CPNE4: variants seen among roughly 807,000 people sequenced by gnomAD.
CPNE4 encodes the protein copine-4.
A neutral mutation model predicts 67.9 loss-of-function variants in CPNE4; 25 were observed. That is an observed-to-expected ratio of 0.37 (90% CI 0.27 to 0.51). The LOEUF (loss-of-function observed/expected upper bound fraction) is 0.51, where lower values mean the gene tolerates loss of function less well. CPNE4 is among the 20% of genes least tolerant of loss of function. The pLI, the probability that CPNE4 is intolerant of heterozygous loss-of-function variation, is 0.93. For synonymous variants in CPNE4, 242 were observed against 244.9 expected (o/e 0.99, Z 0.11); for missense variants, 464 against 690.8 (o/e 0.67, Z 3.68).
chr3:131,862,174 T>C (rs920877660), intron 2 of CPNE4, among the ~76,000 whole-genome samples: 1 of 152,208 alleles, frequency 6.6e-6, no homozygotes, highest in African/African-American at 2.4e-5. Flanking sequence ...ATTTCTGTGT[T>C]TTAGGAATCT....
intron 10 of CPNE4, among the ~76,000 whole-genome samples, chr3:131,566,131 G>A (rs1191225979): frequency 2.6e-5 from 4 of 151,854 alleles, no homozygotes; most frequent in African/African-American, 9.7e-5. Context: ...AAAACACCAG[G>A]ACTTCTCATG....
intron 2 of CPNE4, among the ~76,000 whole-genome samples, chr3:131,806,420 G>A (rs1179832096): frequency 1.3e-5 from 2 of 151,500 alleles, no homozygotes; most frequent in African/African-American, 2.4e-5. Context: ...CATAGTGGCG[G>A]GCGCCTGTAA....
upstream of CPNE4, chr3:132,035,416 C>T (rs1178704017): frequency 6.6e-6 from 1 of 152,158 alleles, no homozygotes; most frequent in Admixed American, 6.5e-5. Flanking sequence ...TTCGTGTCTA[C>T]AAAACTGTCT....
intron 3 of CPNE4, among the ~76,000 whole-genome samples, chr3:131,710,308 C>T (rs1044746923): frequency 6.6e-6 from 1 of 152,092 alleles, no homozygotes; most frequent in Non-Finnish European, 1.5e-5. Flanking sequence ...TTTCTTAGAC[C>T]TTTTGGTCCA....
At chr3:131,708,959 T>TAG (rs1560155092) in intron 3 of CPNE4, among the ~76,000 whole-genome samples, 3 of 55,706 alleles carry the variant, frequency 5.4e-5, no homozygotes, top group East Asian at 9.8e-4. Flanking sequence ...GGCATAAAGA[T>TAG]ATATATATAT....
chr3:131,718,739 T>C (rs557600280), intron 3 of CPNE4, among the ~76,000 whole-genome samples: 52 of 152,372 alleles, frequency 3.4e-4, no homozygotes, highest in African/African-American at 1.2e-3. Flanking sequence ...GTTTCTCAGA[T>C]AATTATAAGC....
chr3:131,577,923 T>G (rs1487847005), intron 9 of CPNE4, among the ~76,000 whole-genome samples: 1 of 152,110 alleles, frequency 6.6e-6, no homozygotes, highest in African/African-American at 2.4e-5. Context: ...CATAAATACA[T>G]GTATATACAA....
intron 1 of CPNE4, among the ~76,000 whole-genome samples, chr3:132,015,497 T>C (rs2073870262): frequency 7.2e-6 from 1 of 139,116 alleles, no homozygotes; most frequent in Non-Finnish European, 1.6e-5. Context: ...TCTCTTCTAA[T>C]TCCTTAGACA....
intron 2 of CPNE4, among the ~76,000 whole-genome samples, chr3:131,842,039 G>A (rs975443747): frequency 1.4e-4 from 21 of 152,172 alleles, no homozygotes; most frequent in African/African-American, 5.1e-4. Flanking sequence ...ACTGTAAATG[G>A]ACTTAGGCTT....
chr3:131,826,278 C>T (rs2085156659), intron 2 of CPNE4, among the ~76,000 whole-genome samples: 2 of 152,066 alleles, frequency 1.3e-5, no homozygotes, highest in South Asian at 4.1e-4. Context: ...ACTGCATCCC[C>T]TCCACCCACC....
intron 10 of CPNE4, 102 bp downstream of exon 10, chr3:131,574,969 G>T: frequency 1.0e-6 from 1 of 962,144 alleles, no homozygotes; most frequent in Non-Finnish European, 1.7e-6. Flanking sequence ...GCTGCCTGAA[G>T]GTTTTAATAA....
chr3:131,676,738 T>G (rs2107666138), intron 6 of CPNE4, among the ~76,000 whole-genome samples: 1 of 152,334 alleles, frequency 6.6e-6, no homozygotes, highest in East Asian at 1.9e-4. Flanking sequence ...CTGCATAGTA[T>G]TCCGTGGTGT....
At chr3:131,979,355 T>C (rs2072843617) in intron 1 of CPNE4, among the ~76,000 whole-genome samples, 2 of 152,204 alleles carry the variant, frequency 1.3e-5, no homozygotes. Flanking sequence ...GTTTTCTAAA[T>C]GTGGGTGCTC....
At chr3:132,030,126 T>C (rs1375591801) in intron 1 of CPNE4, among the ~76,000 whole-genome samples, 1 of 152,144 alleles carries the variant, frequency 6.6e-6, no homozygotes, top group Non-Finnish European at 1.5e-5. Flanking sequence ...ACCCCCGCAA[T>C]CATCCCTAAC....
At chr3:131,655,031 G>C (rs2079916430) in intron 7 of CPNE4, among the ~76,000 whole-genome samples, 1 of 152,140 alleles carries the variant, frequency 6.6e-6, no homozygotes, top group African/African-American at 2.4e-5. Flanking sequence ...GAGTGCAGTG[G>C]GCAGATAAAC....
chr3:131,893,321 T>C (rs915842128), intron 2 of CPNE4, among the ~76,000 whole-genome samples: 1 of 152,004 alleles, frequency 6.6e-6, no homozygotes, highest in African/African-American at 2.4e-5. Context: ...CCCAGATATA[T>C]AAAGTAAATA....
chr3:131,739,052 G>C (rs536318286), intron 2 of CPNE4, among the ~76,000 whole-genome samples: 1 of 151,700 alleles, frequency 6.6e-6, no homozygotes, highest in Non-Finnish European at 1.5e-5. Flanking sequence ...ACAGGGTTTC[G>C]CCATGTTGGC....
chr3:131,800,135 T>C (rs2107907502), intron 2 of CPNE4, among the ~76,000 whole-genome samples: 1 of 152,214 alleles, frequency 6.6e-6, no homozygotes, highest in South Asian at 2.1e-4. Context: ...TAAACACTTG[T>C]CCCCCTCCTC....
intron 2 of CPNE4, among the ~76,000 whole-genome samples, chr3:131,863,464 G>T (rs981255956): frequency 1.3e-5 from 2 of 152,216 alleles, no homozygotes; most frequent in Non-Finnish European, 2.9e-5. Context: ...GGCCAGTGAT[G>T]ATAAGCATTT....
Sources: allele counts gnomAD v4.1 joint callset (sites outside exome capture counted in the v4.1 genomes callset), GRCh38; gene constraint gnomAD v4.1.1; transcripts MANE v1.5; gene names NCBI Gene and HGNC (gene_info 2026-07-23, HGNC 2026-07-21).